ABHD16A: variants seen among roughly 807,000 people sequenced by gnomAD.
ABHD16A encodes phosphatidylserine lipase ABHD16A.
Under a neutral mutation model 89.8 loss-of-function variants are expected in ABHD16A, and 47 were observed. That is an observed-to-expected ratio of 0.52 (90% CI 0.41 to 0.67). ABHD16A has a LOEUF of 0.67. Ranked by LOEUF, ABHD16A falls within the 30% of genes least tolerant of loss-of-function variation. ABHD16A has a pLI of 0.00. For synonymous variants in ABHD16A, 251 were observed against 280.4 expected (o/e 0.90, Z 1.05); for missense variants, 580 against 734.6 (o/e 0.79, Z 2.43).
Position 31,688,739 on chromosome 6 carries a change from CGTT to C in ABHD16A, c.1231_1233del (p.Asn411del). 6.2e-7 allele frequency: 1 copy of C among 1,612,990 alleles called. No homozygotes were observed. Among genetic ancestry groups the C allele is most frequent in the Non-Finnish European group, 8.5e-7 (1 of 1,179,992 alleles). ...GGCCCTCACCTGCACAGCTGCTCCG[CGTT>C]GTTTAGATTGAGATGCTGCCTCACG... On this transcript the variant is annotated inframe_deletion, in exon 14 of 20. Transcript: ENST00000395952. This position sits in a 1 kb window ranked among gnomAD's most constrained non-coding sequence, Gnocchi z 4.9.
In ABHD16A at chr6:31,689,653, A is replaced by T; in HGVS notation, c.1009T>A (p.Phe337Ile). ...EANAMDVVVQ[F>I]AIHRLGFQPQ... ...TGGAAGCCTAGGCGGTGGATGGCAA[A>T]CTGGACCACCACATCCATGGCATTA... Residue 337 changes from phenylalanine to isoleucine, a missense_variant, in exon 12 of 20, where the codon TTT becomes ATT. Physicochemically the swap from Phe to Ile is conservative, Grantham distance 21 (BLOSUM62 0). Around this residue, in one of 2 missense-constraint regions of ABHD16A, gnomAD observed 415 missense variants for 568.8 expected, o/e 0.73. Coordinates refer to ENST00000395952, the MANE Select transcript of ABHD16A (RefSeq NM_021160.3). 1.2e-6 allele frequency: 2 copies of T among 1,612,634 alleles called. No individual in the cohort carries two copies. The highest frequency in any genetic ancestry group is 1.7e-6 in the Non-Finnish European group (2 of 1,179,804).
Position 31,688,120 on chromosome 6 carries a change from T to G in ABHD16A, c.1308-17A>C. Reference sequence around the variant, plus strand: ...TCAGGAACCCTGGGGGTGAGAAGAATGTACCCTGGAGGGGCTGGAGGTTAG... The same window carrying G: ...TCAGGAACCCTGGGGGTGAGAAGAAGGTACCCTGGAGGGGCTGGAGGTTAG... On this transcript the variant is annotated splice_polypyrimidine_tract_variant and intron_variant, in intron 15 of 19. Transcript: ENST00000395952. The surrounding 1 kb of genome is among the most constrained non-coding windows in gnomAD (Gnocchi z 4.9). 5 of 1,610,164 alleles carry G rather than the reference T, an allele frequency of 3.1e-6. No homozygotes were observed. The highest frequency in any genetic ancestry group is 3.4e-6 in the Non-Finnish European group (4 of 1,177,570).
rs1042871453 is a variant in ABHD16A at position 31,693,991 on chromosome 6, C to G, written c.430-559G>C. On this transcript the variant is annotated intron_variant, in intron 5 of 19. Coordinates refer to ENST00000395952, the MANE Select transcript of ABHD16A (RefSeq NM_021160.3). This position sits in a 1 kb window ranked among gnomAD's most constrained non-coding sequence, Gnocchi z 5.0. ...ACATCCCTTCCTCAACTCCTGCAGC[C>G]ATGGATCAGTGTTGCCCTACAGCCC... Among the ~76,000 whole-genome samples, 5 of 152,114 alleles carry G rather than the reference C, an allele frequency of 3.3e-5. No homozygotes were observed. The highest frequency in any genetic ancestry group is 7.3e-5 in the Non-Finnish European group (5 of 68,038).
At chr6:31,702,827 A>T (rs1805158308) in intron 1 of ABHD16A, 12 of 1,404,740 alleles carry the variant, frequency 8.5e-6, no homozygotes, top group Non-Finnish European at 1.0e-5. Context: ...ACGGCTCCCC[A>T]GTCCGCGCAG....
chr6:31,692,022 C>CAGT, intron 7 of ABHD16A, 104 bp from the exon 8 acceptor site: 1 of 837,686 alleles, frequency 1.2e-6, no homozygotes, highest in Non-Finnish European at 1.8e-6. Flanking sequence ...GCCTGCTTTA[C>CAGT]CCCTGACCTT....
intron 7 of ABHD16A, 60 bp from the exon 8 acceptor site, chr6:31,691,978 G>A: frequency 1.5e-6 from 2 of 1,336,760 alleles, no homozygotes; most frequent in Non-Finnish European, 1.0e-6. Flanking sequence ...CTGTGCTGGG[G>A]ACCATCCCAG....
chr6:31,696,919 T>C, intron 5 of ABHD16A, 29 bp downstream of exon 5: 1 of 1,592,404 alleles, frequency 6.3e-7, no homozygotes, highest in Non-Finnish European at 8.6e-7. Context: ...ATTGGGTGCC[T>C]GTGTGGCACT....
At chr6:31,699,408 C>CAA (rs9281558) in intron 4 of ABHD16A, among the ~76,000 whole-genome samples, 2,334 of 53,912 alleles carry the variant, frequency 0.043, 91 homozygotes, top group African/African-American at 0.094. Context: ...GACTCCGTCT[C>CAA]AAAAAAAAAA....
chr6:31,688,399 T>C lies in ABHD16A; in HGVS notation c.1251-94A>G. 7.7e-7 allele frequency: 1 copy of C among 1,297,304 alleles called. No individual in the cohort carries two copies. The highest frequency in any genetic ancestry group is 1.1e-6 in the Non-Finnish European group (1 of 899,508). 80.4% of individuals were successfully genotyped at this position (1,297,304 alleles called of 1,614,324 possible). A position where few individuals can be genotyped will look rare whatever the true frequency, so the allele number is the denominator to read the frequency against. Reference sequence around the variant, plus strand: ...CCCTGCACTGGTAGCATTCTTACCCTCCCCTTGCTATAGCACAGCCCTTGA... The same window carrying C: ...CCCTGCACTGGTAGCATTCTTACCCCCCCCTTGCTATAGCACAGCCCTTGA... On this transcript the variant is annotated intron_variant, in intron 14 of 19. Transcript: ENST00000395952. This position sits in a 1 kb window ranked among gnomAD's most constrained non-coding sequence, Gnocchi z 4.9.
In ABHD16A at chr6:31,687,990, A is replaced by G. The variant is rs761624021; in HGVS notation, c.1370+51T>C. The G allele has an allele frequency of 1.2e-6, 2 of 1,611,980 alleles. No individual in the cohort carries two copies. The highest frequency in any genetic ancestry group is 1.7e-6 in the Non-Finnish European group (2 of 1,179,280). ...CTCCCTCCTTCCCTGTGCTGGTATC[A>G]GTATCTGTGTGTGTACACTGCCCCC... is the stretch of plus-strand genomic sequence containing the variant. On this transcript the variant is annotated intron_variant, in intron 16 of 19. Transcript: ENST00000395952. This position sits in a 1 kb window ranked among gnomAD's most constrained non-coding sequence, Gnocchi z 6.3.
chr6:31,694,490 A>C (rs1007764651), intron 5 of ABHD16A, among the ~76,000 whole-genome samples: 4 of 140,958 alleles, frequency 2.8e-5, no homozygotes, highest in Non-Finnish European at 4.5e-5. Flanking sequence ...TCCCGGCTTC[A>C]CGCCATTCTC....
rs1803384194 is a variant in ABHD16A at position 31,687,274 on chromosome 6, A to G, written c.1615T>C (p.Phe539Leu). Residue 539 changes from phenylalanine (F) to leucine (L), a missense_variant, in exon 20 of 20, where the codon TTT (phenylalanine) becomes CTT (leucine). Transcript: ENST00000395952. The surrounding 1 kb of genome is among the most constrained non-coding windows in gnomAD (Gnocchi z 6.3). Reference sequence around the variant, plus strand: ...AGTGGGGTGCAGTGAGTGGCCTCAAAGTTGTGCAGATGCTTCCGAGCCTGA... The same window carrying G: ...AGTGGGGTGCAGTGAGTGGCCTCAAGGTTGTGCAGATGCTTCCGAGCCTGA... ...LFLARKHLHN[F>L]EATHCTPLPA... 6.2e-7 allele frequency: 1 copy of G among 1,612,780 alleles called. No homozygotes were observed. The highest frequency in any genetic ancestry group is 1.3e-5 in the African/African-American group (1 of 74,862).
Position 31,701,359 on chromosome 6 carries a change from G to C in ABHD16A, c.190-19C>G. On this transcript the variant is annotated intron_variant, in intron 2 of 19. Transcript: ENST00000395952. ...CTGAAGCCTGCAGCAGAGAGACAGG[G>C]ACAGGCAATCAATACACACACACAC... 6.3e-7 allele frequency: 1 copy of C among 1,580,948 alleles called. No individual in the cohort carries two copies. The highest frequency in any genetic ancestry group is 8.6e-7 in the Non-Finnish European group (1 of 1,163,754).
chr6:31,699,525 T>C (rs150882161), intron 4 of ABHD16A, among the ~76,000 whole-genome samples: 1 of 149,898 alleles, frequency 6.7e-6, no homozygotes, highest in East Asian at 1.9e-4. Flanking sequence ...TACATTATTT[T>C]GTGGTTAGCT....
Position 31,703,285 on chromosome 6 carries a change from C to A in ABHD16A, c.-4G>T. The A allele has an allele frequency of 5.2e-6, 7 of 1,347,734 alleles. No individual in the cohort carries two copies. Among genetic ancestry groups the A allele is most frequent in the Middle Eastern group, 2.1e-4 (1 of 4,774 alleles). The allele number at this position is 1,347,734 out of a possible 1,614,324, so 83.5% of individuals were successfully genotyped here. ...CGCAGCTCAGCAGCTTCGCCATGGC[C>A]CCGGCTCGGGCCGCTGCTCTTCCAG... On this transcript the variant is annotated 5_prime_UTR_variant, in exon 1 of 20. Coordinates refer to ENST00000395952, the MANE Select transcript of ABHD16A (RefSeq NM_021160.3).
rs13204893 is a variant in ABHD16A at position 31,693,819 on chromosome 6, C to T, written c.430-387G>A. 1.3e-5 allele frequency among the ~76,000 whole-genome samples: 2 copies of T among 152,162 alleles called. No individual in the cohort carries two copies. Among genetic ancestry groups the T allele is most frequent in the East Asian group, 3.8e-4 (2 of 5,200 alleles). ...ACCTGGGTCCCTTATAGGGTGCTGT[C>T]TTAGAAGCTTAGAAATCTCCCAGCA... On this transcript the variant is annotated intron_variant, in intron 5 of 19. Coordinates refer to ENST00000395952, the MANE Select transcript of ABHD16A (RefSeq NM_021160.3). This position sits in a 1 kb window ranked among gnomAD's most constrained non-coding sequence, Gnocchi z 5.0.
chr6:31,695,044 G>T (rs1036009323), intron 5 of ABHD16A, among the ~76,000 whole-genome samples: 3 of 152,170 alleles, frequency 2.0e-5, no homozygotes, highest in African/African-American at 7.2e-5. Context: ...ATCAGAAAGG[G>T]TGTGTGCCAA....
chr6:31,702,566 A>G, intron 1 of ABHD16A: 2 of 1,415,152 alleles, frequency 1.4e-6, no homozygotes, highest in Non-Finnish European at 1.9e-6. Context: ...ACAGTAACAC[A>G]ATGAGACAAC....
intron 1 of ABHD16A, chr6:31,702,513 G>T: frequency 9.0e-7 from 1 of 1,115,650 alleles, no homozygotes; most frequent in Non-Finnish European, 1.2e-6. Flanking sequence ...AAGAGTAGTT[G>T]ACTAAGAAGA....
Sources: allele counts gnomAD v4.1 joint callset (sites outside exome capture counted in the v4.1 genomes callset), GRCh38; gene constraint gnomAD v4.1.1; regional missense constraint gnomAD v4.1.1; non-coding constraint Gnocchi (gnomAD v3.1); transcripts MANE v1.5; gene names NCBI Gene and HGNC (gene_info 2026-07-23, HGNC 2026-07-21).